Variants in MBNL3 observed in about 807,000 individuals in gnomAD.
The protein encoded by MBNL3 is muscleblind like splicing regulator 3.
MBNL3 carries 6 observed loss-of-function variants against 24.5 expected under a neutral mutation model. The ratio of observed to expected loss-of-function variants is 0.25; its 90% confidence interval spans 0.13 to 0.48. The LOEUF is 0.48. MBNL3 is among the 20% of genes least tolerant of loss of function. The pLI is 0.99. For synonymous variants in MBNL3, 100 were observed against 101.7 expected (o/e 0.98, Z 0.10); for missense variants, 230 against 293.5 (o/e 0.78, Z 1.58).
At chrX:132,463,387 G>A (rs1390914631) in intron 1 of MBNL3, among the ~76,000 whole-genome samples, 1 of 111,693 alleles carries the variant, frequency 9.0e-6, no homozygotes, top group Non-Finnish European at 1.9e-5. Flanking sequence ...GCTTGAACCC[G>A]GGCGGGGCAG....
rs775743003 is a variant in MBNL3, at chrX:132,376,657, G to A, written c.*3009C>T. 2 of 111,536 alleles carry A rather than the reference G, an allele frequency of 1.8e-5. No homozygotes were observed. The highest frequency in any genetic ancestry group is 5.6e-4 in the East Asian group (2 of 3,546). 9.2% of individuals were successfully genotyped at this position (111,536 alleles called of 1,213,427 possible). Reference sequence around the variant, plus strand: ...TATACAATTCATCCAGTAAATTTTTGTTTAGAGTCACTGATTAGTTTTGTG... The same window carrying A: ...TATACAATTCATCCAGTAAATTTTTATTTAGAGTCACTGATTAGTTTTGTG... On this transcript the variant is annotated 3_prime_UTR_variant, in exon 9 of 9. Transcript: ENST00000370853.
intron 1 of MBNL3, among the ~76,000 whole-genome samples, chrX:132,484,694 T>C (rs1274921691): frequency 9.0e-6 from 1 of 111,601 alleles, no homozygotes; most frequent in Non-Finnish European, 1.9e-5. Flanking sequence ...CAGGTTGCCT[T>C]TTCTCTATGG....
At chrX:132,470,152 C>T (rs755929742) in intron 1 of MBNL3, among the ~76,000 whole-genome samples, 1 of 111,394 alleles carries the variant, frequency 9.0e-6, no homozygotes, top group African/African-American at 3.3e-5. Context: ...GCTATTGTGA[C>T]TAAATCAGTA....
At chrX:132,458,407 GA>G (rs1946479761) in intron 1 of MBNL3, among the ~76,000 whole-genome samples, 1 of 110,116 alleles carries the variant, frequency 9.1e-6, no homozygotes, top group Non-Finnish European at 1.9e-5. Flanking sequence ...TGCTATAAAG[GA>G]ATATCTGAGA....
chrX:132,408,145 T>A (rs1049269381), intron 2 of MBNL3, among the ~76,000 whole-genome samples: 5 of 74,696 alleles, frequency 6.7e-5, no homozygotes, highest in Admixed American at 4.9e-4. Flanking sequence ...TTTTTTTTTT[T>A]ACCAATTGCA....
rs1210159448 is a variant in MBNL3, at chrX:132,398,867, A to G, written c.343-6533T>C. Among the ~76,000 whole-genome samples the G allele has an allele frequency of 1.2e-4, 13 of 111,560 alleles. No homozygotes were observed. The Admixed American group carries it at 1.2e-3, about 11-fold the overall frequency. Reference sequence around the variant, plus strand: ...AACCTTGCATGGCTAATAGAAAGATAATTCTATGTTGAAAAAAGAAAGGCC... The same window carrying G: ...AACCTTGCATGGCTAATAGAAAGATGATTCTATGTTGAAAAAAGAAAGGCC... On this transcript the variant is annotated intron_variant, in intron 3 of 8. Coordinates refer to ENST00000370853, the MANE Select transcript of MBNL3 (RefSeq NM_001386889.1).
rs140816973 is a variant in MBNL3, at chrX:132,419,574, G to A, written c.178-13182C>T. On this transcript the variant is annotated intron_variant, in intron 2 of 8. Coordinates refer to ENST00000370853, the MANE Select transcript of MBNL3 (RefSeq NM_001386889.1). ...CCTAAGGACAAAGGCAAATGAGAAC[G>A]CACATGAACTGCACACACCATTTCA... Among the ~76,000 whole-genome samples, 405 of 111,574 alleles carry A rather than the reference G, an allele frequency of 3.6e-3. 1 individual carries two copies. The highest frequency in any genetic ancestry group is 0.013 in the African/African-American group (389 of 30,691).
At chrX:132,381,153 G>A (rs1168424557) in intron 8 of MBNL3, among the ~76,000 whole-genome samples, 1 of 111,999 alleles carries the variant, frequency 8.9e-6, no homozygotes, top group Non-Finnish European at 1.9e-5. Context: ...AGAAAATACA[G>A]TACCAGCTGT....
chrX:132,379,686 G>A lies in MBNL3; in HGVS notation c.1054-9C>T. On this transcript the variant is annotated splice_polypyrimidine_tract_variant and intron_variant, in intron 8 of 8. Coordinates refer to ENST00000370853, the MANE Select transcript of MBNL3 (RefSeq NM_001386889.1). ...GCTGTTCAGAATTTCAGCTGAAATG[G>A]AAAAAAAAAGAAAGAAAGAAAGAGT... 1 of 1,137,780 alleles carries A rather than the reference G, an allele frequency of 8.8e-7. No homozygotes were observed. Among genetic ancestry groups the A allele is most frequent in the Admixed American group, 2.3e-5 (1 of 43,755 alleles). The allele number at this position is 1,137,780 out of a possible 1,213,427, so 93.8% of individuals were successfully genotyped here.
intron 3 of MBNL3, among the ~76,000 whole-genome samples, chrX:132,398,995 G>A (rs1463219805): frequency 9.0e-6 from 1 of 111,445 alleles, no homozygotes; most frequent in Non-Finnish European, 1.9e-5. Flanking sequence ...AATTCCTAGA[G>A]GGTAGAGTTT....
chrX:132,385,889 C>CA (rs58477339), intron 6 of MBNL3, among the ~76,000 whole-genome samples: 1,029 of 90,695 alleles, frequency 0.011, 11 homozygotes, highest in African/African-American at 0.037. Flanking sequence ...ACCATTGTGT[C>CA]AAAAAAAAAA....
intron 4 of MBNL3, among the ~76,000 whole-genome samples, chrX:132,391,537 T>C (rs893273315): frequency 8.9e-5 from 10 of 112,196 alleles, no homozygotes; most frequent in African/African-American, 2.6e-4. Flanking sequence ...TTTAAGCGGC[T>C]GCAAATGGAG....
chrX:132,426,129 T>G (rs1944286277), intron 2 of MBNL3, among the ~76,000 whole-genome samples: 1 of 112,150 alleles, frequency 8.9e-6, no homozygotes, highest in Non-Finnish European at 1.9e-5. Context: ...TCTTTCAAAG[T>G]GTTTCAACAA....
intron 1 of MBNL3, among the ~76,000 whole-genome samples, chrX:132,488,487 T>C (rs764432836): frequency 1.0e-3 from 112 of 111,672 alleles, no homozygotes; most frequent in Admixed American, 3.8e-3. Flanking sequence ...AGAGACAAGG[T>C]TCTGCAAGGA....
At chrX:132,460,095 T>C (rs908402151) in intron 1 of MBNL3, among the ~76,000 whole-genome samples, 3 of 111,344 alleles carry the variant, frequency 2.7e-5, no homozygotes, top group Admixed American at 9.6e-5. Context: ...TTAGAGACTA[T>C]AGTAAAACTT....
intron 1 of MBNL3, among the ~76,000 whole-genome samples, chrX:132,485,463 T>A (rs1326320879): frequency 8.9e-6 from 1 of 112,259 alleles, no homozygotes; most frequent in African/African-American, 3.2e-5. Flanking sequence ...TATTTTCTTA[T>A]CCCTTTCAGG....
rs760079059 is a variant in MBNL3, at chrX:132,473,461, A to G, written c.-704+15390T>C. Among the ~76,000 whole-genome samples the G allele has an allele frequency of 4.5e-5, 5 of 112,212 alleles. No homozygotes were observed. In the East Asian group the frequency reaches 1.4e-3, roughly 31 times the overall value. ...ATCTAAAGTCCTGTTGATTTTGTGC[A>G]ATCTGTTCTCTTGGCATGAAGATGC... On this transcript the variant is annotated intron_variant, in intron 1 of 8. Coordinates refer to ENST00000370853, the MANE Select transcript of MBNL3 (RefSeq NM_001386889.1).
At chrX:132,417,506 C>G (rs904717404) in intron 2 of MBNL3, among the ~76,000 whole-genome samples, 3 of 111,383 alleles carry the variant, frequency 2.7e-5, no homozygotes, top group Non-Finnish European at 3.8e-5. Flanking sequence ...GAACTGTACT[C>G]CCTTAGTCAA....
intron 8 of MBNL3, among the ~76,000 whole-genome samples, chrX:132,381,917 G>A (rs1935033287): frequency 8.9e-6 from 1 of 111,927 alleles, no homozygotes; most frequent in African/African-American, 3.2e-5. Context: ...TTGAGGATTG[G>A]TGTGTTACCA....
Sources: gnomAD v4.1 joint callset for allele counts (sites outside exome capture counted in the v4.1 genomes callset) on GRCh38, gnomAD v4.1.1 for gene constraint, MANE v1.5 for transcripts, NCBI Gene and HGNC (gene_info 2026-07-23, HGNC 2026-07-21) for gene names.